Variants in DCLK1 observed in about 807,000 individuals in gnomAD.
DCLK1 encodes the protein doublecortin like kinase 1, also known as serine/threonine-protein kinase DCLK1.
A neutral mutation model predicts 86.2 loss-of-function variants in DCLK1; 16 were observed. The ratio of observed to expected loss-of-function variants is 0.19; its 90% CI spans 0.13 to 0.28. The LOEUF is 0.28. Among genes scored for constraint, DCLK1 ranks in the 10% least tolerant of loss-of-function variants. The pLI, the probability that DCLK1 is intolerant of heterozygous loss-of-function variation, is 1.00. For missense variants in DCLK1, 590 were observed against 940.2 expected, an observed-to-expected ratio of 0.63 and a Z score of 4.87; for synonymous variants, 369 against 370.5, an observed-to-expected ratio of 1.00 and a Z score of 0.05.
chr13:36,032,741 G>A (rs1023315596), intron 3 of DCLK1, among the ~76,000 whole-genome samples: 18 of 152,272 alleles, frequency 1.2e-4, no homozygotes, highest in African/African-American at 9.6e-5. Context: ...AGCGGCCGTC[G>A]ATGCCCTGGC....
chr13:35,977,103 TG>T (rs1303753414), intron 3 of DCLK1, among the ~76,000 whole-genome samples: 1 of 144,504 alleles, frequency 6.9e-6, no homozygotes, highest in Admixed American at 7.3e-5. Context: ...AATAAAATGC[TG>T]TATTTTTCGT....
At chr13:35,956,441 A>G (rs1877983884) in intron 3 of DCLK1, among the ~76,000 whole-genome samples, 1 of 152,192 alleles carries the variant, frequency 6.6e-6, no homozygotes. Flanking sequence ...GATAATTGGA[A>G]AAAGAAGAAA....
Position 35,854,613 on chromosome 13 carries a change from C to A in DCLK1, c.941-20G>T. On this transcript the variant is annotated intron_variant, in intron 5 of 16. Coordinates refer to ENST00000360631, the MANE Select transcript of DCLK1 (RefSeq NM_001330071.2). ...CATTAACTAGAAATACAAAGAATCA[C>A]ACACAGAGAAAAATGGCACGTTAAA... is the stretch of plus-strand genomic sequence containing the variant. The A allele has an allele frequency of 1.3e-6, 2 of 1,544,008 alleles. No individual in the cohort carries two copies. The highest frequency in any genetic ancestry group is 1.8e-6 in the Non-Finnish European group (2 of 1,141,608).
chr13:35,888,673 T>C (rs1873447634), intron 4 of DCLK1, among the ~76,000 whole-genome samples: 1 of 152,238 alleles, frequency 6.6e-6, no homozygotes, highest in African/African-American at 2.4e-5. Flanking sequence ...GACATTACAG[T>C]TGACTTGTGG....
At chr13:35,907,434 A>G (rs1874749373) in intron 4 of DCLK1, among the ~76,000 whole-genome samples, 1 of 151,736 alleles carries the variant, frequency 6.6e-6, no homozygotes, top group Non-Finnish European at 1.5e-5. Context: ...AAGCGCTAGG[A>G]TTACAGGCCT....
At chr13:35,857,533 A>AACT (rs1458122177) in intron 5 of DCLK1, among the ~76,000 whole-genome samples, 1 of 152,218 alleles carries the variant, frequency 6.6e-6, no homozygotes, top group Non-Finnish European at 1.5e-5. Context: ...TATACTGTCT[A>AACT]TTCTGCATCT....
At chr13:35,818,655 G>A (rs1361718480) in intron 11 of DCLK1, among the ~76,000 whole-genome samples, 2 of 152,150 alleles carry the variant, frequency 1.3e-5, no homozygotes, top group Admixed American at 1.3e-4. Flanking sequence ...TTCATAAGGA[G>A]GAGGCATCTG....
intron 4 of DCLK1, among the ~76,000 whole-genome samples, chr13:35,944,850 C>T (rs914774150): frequency 3.3e-5 from 5 of 151,814 alleles, no homozygotes; most frequent in Non-Finnish European, 7.4e-5. Flanking sequence ...GCATGTGAGC[C>T]CTTGTGTGCA....
intron 3 of DCLK1, among the ~76,000 whole-genome samples, chr13:35,950,953 C>T (rs772135731): frequency 5.7e-4 from 87 of 151,920 alleles, no homozygotes; most frequent in Admixed American, 4.1e-3. Flanking sequence ...CGTCCTCCTG[C>T]TTGTGGACCC....
chr13:35,874,759 G>A (rs1298040275), intron 4 of DCLK1, among the ~76,000 whole-genome samples: 1 of 152,222 alleles, frequency 6.6e-6, no homozygotes, highest in Non-Finnish European at 1.5e-5. Context: ...CAAGGTGTCC[G>A]TGGAGATTTT....
chr13:35,929,863 CT>C (rs375433797), intron 4 of DCLK1, among the ~76,000 whole-genome samples: 62 of 142,072 alleles, frequency 4.4e-4, no homozygotes, highest in Non-Finnish European at 4.9e-4. Flanking sequence ...CATTTTTTTT[CT>C]TTTTTTTTTT....
At position 36,093,686 on chromosome 13, in the gene DCLK1, A is replaced by C. The variant is rs905195806; in HGVS notation, c.723+18183T>G. Among the ~76,000 whole-genome samples the C allele has an allele frequency of 2.6e-5, 4 of 152,080 alleles. No homozygotes were observed. The South Asian group carries it at 8.3e-4, about 32-fold the overall frequency. On this transcript the variant is annotated intron_variant, in intron 3 of 16. Coordinates refer to ENST00000360631, the MANE Select transcript of DCLK1 (RefSeq NM_001330071.2). ...CCAGTCCTTTTTTTTTCTTTCAGGA[A>C]TTCCTTCACAGAACTATTTAGCCTC...
intron 3 of DCLK1, among the ~76,000 whole-genome samples, chr13:36,038,526 G>GT (rs1882588983): frequency 6.6e-6 from 1 of 152,158 alleles, no homozygotes; most frequent in South Asian, 2.1e-4. Context: ...GCACATACCT[G>GT]TTTTTGTTTT....
rs564762446 is a variant in DCLK1 at position 35,882,742 on chromosome 13, C to G, written c.824-11402G>C. On this transcript the variant is annotated intron_variant, in intron 4 of 16. Transcript: ENST00000360631. ...CCTGGTTAACGTTCTGTTCATACCT[C>G]CACACTCAACTTAAATTCATACATT... is the stretch of plus-strand genomic sequence containing the variant. Among the ~76,000 whole-genome samples, 3 of 152,158 alleles carry G rather than the reference C, an allele frequency of 2.0e-5. No individual in the cohort carries two copies. The East Asian group carries it at 5.8e-4, about 29-fold the overall frequency.
intron 3 of DCLK1, among the ~76,000 whole-genome samples, chr13:36,063,200 C>T (rs896122252): frequency 6.6e-6 from 1 of 152,130 alleles, no homozygotes; most frequent in Non-Finnish European, 1.5e-5. Context: ...TCCAATGTCA[C>T]CAGAATACCA....
intron 15 of DCLK1, chr13:35,805,273 G>A (rs1182643893): frequency 6.2e-6 from 1 of 161,388 alleles, no homozygotes; most frequent in Non-Finnish European, 1.4e-5. Context: ...ACATATGAGG[G>A]GGAGGAACAA....
intron 6 of DCLK1, among the ~76,000 whole-genome samples, chr13:35,844,128 C>T (rs1161915599): frequency 6.6e-6 from 1 of 152,164 alleles, no homozygotes; most frequent in Non-Finnish European, 1.5e-5. Flanking sequence ...ATTCCTTTGT[C>T]TGCAATCTTC....
At chr13:35,965,999 G>A (rs1179771973) in intron 3 of DCLK1, among the ~76,000 whole-genome samples, 1 of 152,142 alleles carries the variant, frequency 6.6e-6, no homozygotes, top group Non-Finnish European at 1.5e-5. Flanking sequence ...TCAAGGTAAA[G>A]AGACAAACAA....
At position 35,771,573 on chromosome 13, in the gene DCLK1, T is replaced by C. The variant is rs970507733; in HGVS notation, c.*2962A>G. On this transcript the variant is annotated 3_prime_UTR_variant, in exon 17 of 17. Coordinates refer to ENST00000360631, the MANE Select transcript of DCLK1 (RefSeq NM_001330071.2). Reference sequence around the variant, plus strand: ...TGAACACATGTCTACAGAGATGATTTACACGATGCAAGTAATGAAAGAGTT... The same window carrying C: ...TGAACACATGTCTACAGAGATGATTCACACGATGCAAGTAATGAAAGAGTT... 1 of 152,184 alleles carries C rather than the reference T, an allele frequency of 6.6e-6. No homozygotes were observed. The highest frequency in any genetic ancestry group is 2.4e-5 in the African/African-American group (1 of 41,442). The allele number at this position is 152,184 out of a possible 1,614,324, so 9.4% of individuals were successfully genotyped here. A position where few individuals can be genotyped will look rare whatever the true frequency, so the allele number is the denominator to read the frequency against.
Sources: allele counts gnomAD v4.1 joint callset (sites outside exome capture counted in the v4.1 genomes callset), GRCh38; gene constraint gnomAD v4.1.1; transcripts MANE v1.5; gene names NCBI Gene and HGNC (gene_info 2026-07-23, HGNC 2026-07-21).